CFAP95: variants seen among roughly 807,000 people sequenced by gnomAD.
CFAP95 encodes the protein cilia and flagella associated protein 95.
At chr9:69,891,995 A>T in the CFAP95 span, among the ~76,000 whole-genome samples, 1 of 152,200 alleles carries the variant, frequency 6.6e-6, no homozygotes, top group South Asian at 2.1e-4. Flanking sequence ...TATGGATATT[A>T]TATTATCAGC....
chr9:69,820,960 G>A, the CFAP95 span: 1 of 1,614,044 alleles, frequency 6.2e-7, no homozygotes, highest in South Asian at 1.1e-5. Flanking sequence ...CGGACTTGGT[G>A]GAGCGCAAGG....
At chr9:69,898,613 G>T in the CFAP95 span, among the ~76,000 whole-genome samples, 1 of 152,128 alleles carries the variant, frequency 6.6e-6, no homozygotes, top group Admixed American at 6.5e-5. Flanking sequence ...ATAAGGATGA[G>T]TGTCTGTGGT....
At chr9:69,826,194 C>T in the CFAP95 span, among the ~76,000 whole-genome samples, 1 of 152,196 alleles carries the variant, frequency 6.6e-6, no homozygotes, top group Non-Finnish European at 1.5e-5. Context: ...CCCCACCCTA[C>T]TGCACTGTTT....
chr9:69,890,589 A>G, the CFAP95 span, among the ~76,000 whole-genome samples: 1 of 152,254 alleles, frequency 6.6e-6, no homozygotes, highest in East Asian at 1.9e-4. Flanking sequence ...TAATTCACAC[A>G]TACTGAAAAA....
At chr9:69,821,468 G>T in the CFAP95 span, among the ~76,000 whole-genome samples, 1 of 152,054 alleles carries the variant, frequency 6.6e-6, no homozygotes, top group South Asian at 2.1e-4. Flanking sequence ...TGAAAAGGGG[G>T]TGCTGTCAGA....
At chr9:69,862,260 C>A in the CFAP95 span, among the ~76,000 whole-genome samples, 1 of 152,136 alleles carries the variant, frequency 6.6e-6, no homozygotes, top group African/African-American at 2.4e-5. Flanking sequence ...GTTCTCAATT[C>A]TTTTTGGTAA....
chr9:69,862,424 C>T, the CFAP95 span, among the ~76,000 whole-genome samples: 1 of 152,180 alleles, frequency 6.6e-6, no homozygotes, highest in East Asian at 1.9e-4. Flanking sequence ...ATATGTAATT[C>T]TTTCTTTCAG....
At chr9:69,898,362 G>A in the CFAP95 span, among the ~76,000 whole-genome samples, 1 of 152,034 alleles carries the variant, frequency 6.6e-6, no homozygotes, top group Non-Finnish European at 1.5e-5. Context: ...CCAGATCCCT[G>A]CACCTCTCAT....
At chr9:69,857,423 T>C in the CFAP95 span, among the ~76,000 whole-genome samples, 1 of 152,246 alleles carries the variant, frequency 6.6e-6, no homozygotes. Flanking sequence ...AAAATTCCAT[T>C]GACTTGTTGA....
the CFAP95 span, among the ~76,000 whole-genome samples, chr9:69,843,671 G>T: frequency 7.3e-6 from 1 of 136,086 alleles, no homozygotes; most frequent in African/African-American, 2.8e-5. Flanking sequence ...TTGAGACAGG[G>T]TCTTATTCTG....
At chr9:69,822,416 T>C in the CFAP95 span, among the ~76,000 whole-genome samples, 1 of 152,230 alleles carries the variant, frequency 6.6e-6, no homozygotes, top group East Asian at 1.9e-4. Context: ...AAACTGTCTC[T>C]CTTCCTCCTT....
At chr9:69,848,790 G>A in the CFAP95 span, among the ~76,000 whole-genome samples, 1 of 152,246 alleles carries the variant, frequency 6.6e-6, no homozygotes, top group South Asian at 2.1e-4. Flanking sequence ...TTGAAGTTTT[G>A]GCTATTATAT....
chr9:69,826,062 T>TA, the CFAP95 span, among the ~76,000 whole-genome samples: 1 of 152,192 alleles, frequency 6.6e-6, no homozygotes, highest in Non-Finnish European at 1.5e-5. Flanking sequence ...ATTATGGTGA[T>TA]AATTGTGGGG....
chr9:69,852,200 C>T, the CFAP95 span, among the ~76,000 whole-genome samples: 1 of 150,758 alleles, frequency 6.6e-6, no homozygotes, highest in Non-Finnish European at 1.5e-5. Context: ...AGAAAAGCTA[C>T]AGTTGGTAGG....
At chr9:69,901,313 A>G in the CFAP95 span, among the ~76,000 whole-genome samples, 2 of 151,906 alleles carry the variant, frequency 1.3e-5, no homozygotes, top group African/African-American at 4.8e-5. Flanking sequence ...AAATTTTTGT[A>G]TATTTAGTAG....
the CFAP95 span, among the ~76,000 whole-genome samples, chr9:69,850,893 G>A: frequency 8.5e-5 from 13 of 152,120 alleles, no homozygotes; most frequent in African/African-American, 3.1e-4. Flanking sequence ...TCCTGTGTTA[G>A]GAATTCCGTA....
the CFAP95 span, among the ~76,000 whole-genome samples, chr9:69,867,028 A>G: frequency 6.6e-6 from 1 of 152,186 alleles, no homozygotes; most frequent in Admixed American, 6.5e-5. Flanking sequence ...TTTTCTTTGC[A>G]TTATCCTTGC....
At chr9:69,837,393 T>C in the CFAP95 span, among the ~76,000 whole-genome samples, 5 of 151,794 alleles carry the variant, frequency 3.3e-5, no homozygotes, top group African/African-American at 1.2e-4. Context: ...CCAGCACCTG[T>C]TGTTTCCTGA....
chr9:69,882,707 G>A, the CFAP95 span, among the ~76,000 whole-genome samples: 1 of 152,174 alleles, frequency 6.6e-6, no homozygotes, highest in African/African-American at 2.4e-5. Context: ...TGAAATGACT[G>A]TATAATTTTT....
Sources: gnomAD v4.1 joint callset for allele counts (sites outside exome capture counted in the v4.1 genomes callset) on GRCh38, gnomAD v4.1.1 for gene constraint, MANE v1.5 for transcripts, NCBI Gene and HGNC (gene_info 2026-07-23, HGNC 2026-07-21) for gene names.